Variants in C12orf42 observed in about 807,000 individuals in gnomAD.
C12orf42 encodes uncharacterized protein C12orf42.
A neutral mutation model predicts 21.6 loss-of-function variants in C12orf42; 25 were observed. The observed-to-expected ratio is 1.16, with a 90% CI of 0.84 to 1.62. The LOEUF is 1.62. Among genes scored for constraint, C12orf42 ranks in the 40% most tolerant of loss-of-function variants. The pLI, the probability that C12orf42 is intolerant of heterozygous loss-of-function variation, is 0.00. For synonymous variants in C12orf42, 174 were observed against 175.0 expected, an observed-to-expected ratio of 0.99 and a Z score of 0.05; for missense variants, 483 against 459.3, an observed-to-expected ratio of 1.05 and a Z score of -0.47.
At chr12:103,421,876 A>G (rs2049945837) in intron 2 of C12orf42, among the ~76,000 whole-genome samples, 1 of 152,196 alleles carries the variant, frequency 6.6e-6, no homozygotes, top group Non-Finnish European at 1.5e-5. Context: ...AAAATATTTC[A>G]ATCCTATTCG....
At chr12:103,499,257 A>G (rs376289546), upstream of C12orf42, among the ~76,000 whole-genome samples, 1 of 152,226 alleles carries the variant, frequency 6.6e-6, no homozygotes, top group Non-Finnish European at 1.5e-5. Flanking sequence ...AGTTCTCACC[A>G]CCACACACCA....
chr12:103,127,977 T>C, the C12orf42 span, among the ~76,000 whole-genome samples: 2 of 152,222 alleles, frequency 1.3e-5, no homozygotes, highest in Admixed American at 1.3e-4. Flanking sequence ...GTCACATTCT[T>C]CTTGCCTCTT....
At chr12:103,549,308 T>G in the C12orf42 span, among the ~76,000 whole-genome samples, 3 of 152,206 alleles carry the variant, frequency 2.0e-5, no homozygotes, top group Non-Finnish European at 4.4e-5. Context: ...AAGTTTTATT[T>G]AAAAATGTGC....
chr12:103,212,463 C>T, the C12orf42 span, among the ~76,000 whole-genome samples: 1 of 152,118 alleles, frequency 6.6e-6, no homozygotes, highest in Non-Finnish European at 1.5e-5. Flanking sequence ...AACTACATCT[C>T]TCTGGTGGTG....
the C12orf42 span, among the ~76,000 whole-genome samples, chr12:103,140,208 C>T: frequency 7.1e-3 from 1,080 of 152,288 alleles, 20 homozygotes; most frequent in African/African-American, 0.025. Flanking sequence ...CAACAATACA[C>T]ACATTTTATA....
chr12:103,274,894 G>GAT (rs766793953), intron 5 of C12orf42, among the ~76,000 whole-genome samples: 29 of 152,070 alleles, frequency 1.9e-4, no homozygotes, highest in Non-Finnish European at 1.0e-4. Flanking sequence ...GCTCCTAACT[G>GAT]ATATGCCAGA....
chr12:103,164,574 G>A, the C12orf42 span: 1 of 418,734 alleles, frequency 2.4e-6, no homozygotes, highest in Non-Finnish European at 4.8e-6. Context: ...CAGTATAAAA[G>A]ACATTGTCCT....
At chr12:103,405,865 T>C (rs990108128) in intron 2 of C12orf42, among the ~76,000 whole-genome samples, 2 of 152,176 alleles carry the variant, frequency 1.3e-5, no homozygotes, top group Non-Finnish European at 2.9e-5. Flanking sequence ...TCATTTTCTA[T>C]CCAAGCAGAG....
intron 3 of C12orf42, among the ~76,000 whole-genome samples, chr12:103,393,883 T>G (rs2047289777): frequency 6.6e-6 from 1 of 152,214 alleles, no homozygotes; most frequent in Admixed American, 6.5e-5. Flanking sequence ...AGCTTTATGC[T>G]CTATGACTCT....
chr12:103,274,923 C>T (rs1001177444), intron 5 of C12orf42, among the ~76,000 whole-genome samples: 2 of 152,100 alleles, frequency 1.3e-5, no homozygotes, highest in African/African-American at 4.8e-5. Context: ...ATCTTTCCTC[C>T]TGATATCTTC....
In C12orf42 at chr12:103,356,261, ACTCTAGCTCAGAT is replaced by A. The variant is rs766712976; in HGVS notation, c.259+12613_259+12625del. On this transcript the variant is annotated intron_variant, in intron 4 of 5. Coordinates refer to ENST00000548883, the MANE Select transcript of C12orf42 (RefSeq NM_198521.5). ...CCTCCTGATGACTCCATAACTTTTT[ACTCTAGCTCAGAT>A]CTTAATTCTAAGTCACAAACAAACA... Among the ~76,000 whole-genome samples the A allele has an allele frequency of 5.5e-4, 83 of 151,884 alleles. 1 individual carries two copies. Among genetic ancestry groups the A allele is most frequent in the Non-Finnish European group, 1.1e-3 (75 of 67,960 alleles).
At chr12:103,280,986 G>C (rs1480752690) in intron 4 of C12orf42, among the ~76,000 whole-genome samples, 1 of 152,226 alleles carries the variant, frequency 6.6e-6, no homozygotes, top group Non-Finnish European at 1.5e-5. Flanking sequence ...TGGAGGGTGA[G>C]AGGGAGGTAG....
intron 3 of C12orf42, among the ~76,000 whole-genome samples, chr12:103,370,190 G>A (rs538631340): frequency 5.9e-5 from 9 of 152,004 alleles, no homozygotes; most frequent in African/African-American, 1.9e-4. Context: ...ATACCATCTC[G>A]CACCAGTTAG....
downstream of C12orf42, chr12:103,301,807 T>C: frequency 3.5e-6 from 1 of 289,538 alleles, no homozygotes; most frequent in Non-Finnish European, 6.4e-6. Flanking sequence ...AGAGGGGTCC[T>C]CACAATCCCA....
At chr12:103,095,029 C>T in the C12orf42 span, among the ~76,000 whole-genome samples, 2 of 152,192 alleles carry the variant, frequency 1.3e-5, no homozygotes, top group Non-Finnish European at 2.9e-5. Context: ...ATTTCGACTT[C>T]ACTTTTTATA....
the C12orf42 span, among the ~76,000 whole-genome samples, chr12:103,054,461 A>C: frequency 6.6e-6 from 1 of 151,924 alleles, no homozygotes; most frequent in South Asian, 2.1e-4. Context: ...CTCCCTTATT[A>C]GTTCTAAGAG....
At chr12:103,096,876 C>A in the C12orf42 span, among the ~76,000 whole-genome samples, 1 of 152,142 alleles carries the variant, frequency 6.6e-6, no homozygotes, top group Non-Finnish European at 1.5e-5. Context: ...GGGCCAACAA[C>A]TAGTGTCTTG....
At chr12:103,078,245 C>T in the C12orf42 span, among the ~76,000 whole-genome samples, 2 of 152,182 alleles carry the variant, frequency 1.3e-5, no homozygotes, top group Admixed American at 6.5e-5. Context: ...TGATAGGTTA[C>T]TGCCCATTTT....
At chr12:103,394,496 G>A (rs1454547447) in intron 3 of C12orf42, among the ~76,000 whole-genome samples, 1 of 152,172 alleles carries the variant, frequency 6.6e-6, no homozygotes, top group Admixed American at 6.5e-5. Flanking sequence ...TTACAAACCT[G>A]TTTATGACCA....
Sources: gnomAD v4.1 joint callset for allele counts (sites outside exome capture counted in the v4.1 genomes callset) on GRCh38, gnomAD v4.1.1 for gene constraint, MANE v1.5 for transcripts, NCBI Gene and HGNC (gene_info 2026-07-23, HGNC 2026-07-21) for gene names.